Variants in SMU1 observed in about 807,000 individuals in gnomAD.
SMU1 encodes SMU1 DNA replication regulator and spliceosomal factor.
Under a neutral mutation model 62.0 loss-of-function variants are expected in SMU1, and 2 were observed. That is an observed-to-expected ratio of 0.03 (90% CI 0.01 to 0.10). The LOEUF (loss-of-function observed/expected upper bound fraction) is 0.10. SMU1 is among the 10% of genes least tolerant of loss of function. The pLI is 1.00. For synonymous variants in SMU1, 188 were observed against 212.4 expected (o/e 0.89, Z 1.00); for missense variants, 227 against 622.1 (o/e 0.36, Z 6.76).
chr9:33,071,240 T>G (rs1166702634), intron 3 of SMU1, among the ~76,000 whole-genome samples: 1 of 152,080 alleles, frequency 6.6e-6, no homozygotes, highest in Non-Finnish European at 1.5e-5. Context: ...ACCATACAGA[T>G]AATAAGGTTT....
intron 3 of SMU1, 76 bp downstream of exon 3, chr9:33,071,664 A>T (rs1587713424): frequency 5.0e-5 from 4 of 80,338 alleles, no homozygotes; most frequent in Non-Finnish European, 9.7e-5. Context: ...ATAAAATGGT[A>T]AAAAAAAAAA....
At position 33,064,730 on chromosome 9, in the gene SMU1, A is replaced by G. The variant is rs539563480; in HGVS notation, c.502-2553T>C. ...CTTCCTTTCCAAAGTTTCTTTGCTA[A>G]ATATATTTTTTCTTTTTTTTTTTTT... On this transcript the variant is annotated intron_variant, in intron 4 of 11. Transcript: ENST00000397149. Among the ~76,000 whole-genome samples the G allele has an allele frequency of 2.1e-4, 32 of 151,694 alleles. 1 individual carries two copies. The highest frequency in any genetic ancestry group is 5.9e-5 in the Non-Finnish European group (4 of 67,924).
intron 5 of SMU1, 116 bp downstream of exon 5, chr9:33,061,933 G>A: frequency 8.9e-7 from 1 of 1,118,552 alleles, no homozygotes; most frequent in South Asian, 1.5e-5. Flanking sequence ...TATTGTCAGA[G>A]CTGGAGAATG....
At chr9:33,068,285 G>T (rs866955676) in intron 4 of SMU1, among the ~76,000 whole-genome samples, 2 of 152,136 alleles carry the variant, frequency 1.3e-5, no homozygotes, top group Non-Finnish European at 2.9e-5. Context: ...TTCCAGACAG[G>T]ATGATAAATT....
intron 4 of SMU1, among the ~76,000 whole-genome samples, chr9:33,066,313 G>A (rs1205545535): frequency 3.3e-5 from 5 of 152,006 alleles, no homozygotes; most frequent in African/African-American, 1.2e-4. Context: ...AAGATACACG[G>A]TATTACAGAC....
At chr9:33,066,724 C>G (rs533971989) in intron 4 of SMU1, among the ~76,000 whole-genome samples, 1 of 150,818 alleles carries the variant, frequency 6.6e-6, no homozygotes, top group African/African-American at 2.4e-5. Flanking sequence ...GAGAATTGCT[C>G]GAACCCAGAA....
rs541668362 is a variant in SMU1, at chr9:33,053,906, A to T, written c.1123-616T>A. On this transcript the variant is annotated intron_variant, in intron 9 of 11. Transcript: ENST00000397149. ...TCTCATACATTTTTCCTTAGCCAAT[A>T]GAGCTCTCTCTCTTTAAAATTAGTT... Among the ~76,000 whole-genome samples, 14 of 152,342 alleles carry T rather than the reference A, an allele frequency of 9.2e-5. No homozygotes were observed. The East Asian group carries it at 2.7e-3, about 29-fold the overall frequency.
At chr9:33,052,588 C>G (rs867469707) in intron 10 of SMU1, among the ~76,000 whole-genome samples, 1 of 152,206 alleles carries the variant, frequency 6.6e-6, no homozygotes, top group African/African-American at 2.4e-5. Context: ...ATAGCACTAC[C>G]ATACATACCT....
chr9:33,055,339 GCTGT>G (rs1000392733), intron 9 of SMU1, among the ~76,000 whole-genome samples: 1 of 151,904 alleles, frequency 6.6e-6, no homozygotes, highest in African/African-American at 2.4e-5. Flanking sequence ...ACCACCCCTG[GCTGT>G]CTGAATTTTA....
At chr9:33,058,426 C>T (rs1460065515) in intron 6 of SMU1, among the ~76,000 whole-genome samples, 1 of 152,146 alleles carries the variant, frequency 6.6e-6, no homozygotes, top group East Asian at 1.9e-4. Context: ...GAGCAATACT[C>T]CTGCATCAGG....
In SMU1 at chr9:33,068,883, C is replaced by T; in HGVS notation, c.442G>A (p.Ala148Thr). 1 of 1,614,054 alleles carries T rather than the reference C, an allele frequency of 6.2e-7. No individual in the cohort carries two copies. The highest frequency in any genetic ancestry group is 8.5e-7 in the Non-Finnish European group (1 of 1,180,002). ...ACCACACTGACTTCGCCAGCTAAGG[C>T]CTGGGCAATTGCTGCTCTTCTCTTT... ...KEKRRAAIAQ[A>T]LAGEVSVVPP... Residue 148 changes from alanine (A) to threonine (T), a missense_variant, in exon 4 of 12, where the codon GCC becomes ACC. Coordinates refer to ENST00000397149, the MANE Select transcript of SMU1 (RefSeq NM_018225.3).
At position 33,053,299 on chromosome 9, in the gene SMU1, C is replaced by T; in HGVS notation, c.1123-9G>A. ...GTCTTCATATTCCAGATCTACCACA[C>T]AGAAATTTAAGTTATAAACCTTTTT... On this transcript the variant is annotated splice_polypyrimidine_tract_variant and intron_variant, in intron 9 of 11. Transcript: ENST00000397149. 1 of 1,611,220 alleles carries T rather than the reference C, an allele frequency of 6.2e-7. No homozygotes were observed. Among genetic ancestry groups the T allele is most frequent in the Non-Finnish European group, 8.5e-7 (1 of 1,179,582 alleles).
chr9:33,060,969 T>A (rs539382676), intron 5 of SMU1, among the ~76,000 whole-genome samples: 3 of 152,224 alleles, frequency 2.0e-5, no homozygotes, highest in African/African-American at 7.2e-5. Context: ...CTGTTGTGTA[T>A]CTCAGGGGGA....
rs1266300615 is a variant in SMU1, at chr9:33,051,147, AT to A, written c.1290+1975del. On this transcript the variant is annotated intron_variant, in intron 10 of 11. Coordinates refer to ENST00000397149, the MANE Select transcript of SMU1 (RefSeq NM_018225.3). Reference sequence around the variant, plus strand: ...AAAAAAAAAAAAAATAAAAATAAAAATAAAAAATAAGCTATCAAACCATGAA... The same window carrying A: ...AAAAAAAAAAAAAATAAAAATAAAAAAAAAAATAAGCTATCAAACCATGAA... Among the ~76,000 whole-genome samples, 26 of 151,292 alleles carry A rather than the reference AT, an allele frequency of 1.7e-4. 1 individual carries two copies. Among genetic ancestry groups the A allele is most frequent in the Non-Finnish European group, 3.5e-4 (24 of 67,824 alleles).
intron 6 of SMU1, among the ~76,000 whole-genome samples, chr9:33,059,726 C>T (rs1474775602): frequency 1.3e-5 from 2 of 150,322 alleles, no homozygotes; most frequent in Non-Finnish European, 3.0e-5. Flanking sequence ...CTGCCTCAGT[C>T]TCCCGAGTAG....
chr9:33,061,075 A>G (rs1022642270), intron 5 of SMU1, among the ~76,000 whole-genome samples: 2 of 152,256 alleles, frequency 1.3e-5, no homozygotes, highest in African/African-American at 2.4e-5. Flanking sequence ...TAATGAAGTG[A>G]TAATGTGTAG....
intron 4 of SMU1, among the ~76,000 whole-genome samples, chr9:33,063,562 G>C (rs1004476128): frequency 6.6e-6 from 1 of 152,162 alleles, no homozygotes; most frequent in Non-Finnish European, 1.5e-5. Context: ...ACTGGTCCAC[G>C]GCCTGTTAGG....
At chr9:33,062,266 G>C in intron 4 of SMU1, 89 bp from the exon 5 acceptor site, 3 of 1,496,180 alleles carry the variant, frequency 2.0e-6, no homozygotes, top group Non-Finnish European at 2.7e-6. Flanking sequence ...GAAAGGATGA[G>C]GTTCAGAGAA....
chr9:33,057,492 C>T (rs1839315709), intron 7 of SMU1, 106 bp downstream of exon 7: 20 of 1,341,782 alleles, frequency 1.5e-5, no homozygotes, highest in Non-Finnish European at 2.0e-5. Context: ...AGCTGATGCT[C>T]AATAATCAGT....
Sources: gnomAD v4.1 joint callset for allele counts (sites outside exome capture counted in the v4.1 genomes callset) on GRCh38, gnomAD v4.1.1 for gene constraint, MANE v1.5 for transcripts, NCBI Gene and HGNC (gene_info 2026-07-23, HGNC 2026-07-21) for gene names.